The following ST8SIA2 variants were observed in gnomAD, a reference collection of about 807,000 sequenced individuals.
ST8SIA2 encodes ST8 alpha-N-acetyl-neuraminide alpha-2,8-sialyltransferase 2.
In ST8SIA2, 22 loss-of-function variants were observed where a neutral mutation model predicts 37.6. The observed-to-expected ratio is 0.58, with a 90% confidence interval of 0.42 to 0.83. The LOEUF (loss-of-function observed/expected upper bound fraction) is 0.83. Among genes scored for constraint, ST8SIA2 ranks in the 40% least tolerant of loss-of-function variants. ST8SIA2 has a pLI of 0.00. For synonymous variants in ST8SIA2, 205 were observed against 201.2 expected, an observed-to-expected ratio of 1.02 and a Z score of -0.16; for missense variants, 382 against 484.7, an observed-to-expected ratio of 0.79 and a Z score of 1.99.
At chr15:92,463,274 G>C (rs1394959791) in intron 5 of ST8SIA2, among the ~76,000 whole-genome samples, 1 of 152,194 alleles carries the variant, frequency 6.6e-6, no homozygotes, top group Non-Finnish European at 1.5e-5. Flanking sequence ...CAGACGACTT[G>C]AGGCAGGAAG....
chr15:92,445,060 AC>A, intron 5 of ST8SIA2, 131 bp downstream of exon 5: 1 of 1,353,428 alleles, frequency 7.4e-7, no homozygotes, highest in South Asian at 1.2e-5. Context: ...TCAGCAAGTC[AC>A]CTGGCCTTTC....
intron 1 of ST8SIA2, among the ~76,000 whole-genome samples, chr15:92,414,990 C>A (rs187841671): frequency 6.6e-6 from 1 of 152,330 alleles, no homozygotes; most frequent in East Asian, 1.9e-4. Context: ...CCTTTCCTCC[C>A]CAGAGCCCTG....
At chr15:92,401,504 C>T (rs949655127) in intron 1 of ST8SIA2, among the ~76,000 whole-genome samples, 3 of 152,182 alleles carry the variant, frequency 2.0e-5, no homozygotes, top group Non-Finnish European at 2.9e-5. Context: ...AAGGAGGAAA[C>T]GGCTCCAACT....
intron 1 of ST8SIA2, among the ~76,000 whole-genome samples, chr15:92,418,471 A>C (rs1294015217): frequency 6.6e-6 from 1 of 151,558 alleles, no homozygotes; most frequent in Non-Finnish European, 1.5e-5. Flanking sequence ...TCAAAAAAAA[A>C]AAAAAAAAAA....
rs2050002855 is a variant in ST8SIA2 at position 92,467,745 on chromosome 15, C to T, written c.*3360C>T. On this transcript the variant is annotated 3_prime_UTR_variant, in exon 6 of 6. Coordinates refer to ENST00000268164, the MANE Select transcript of ST8SIA2 (RefSeq NM_006011.4). ...ACATGGACATGCCTTACACTGGCGT[C>T]CTCTCCTGAGTCCCTCCGCACTCTC... is the stretch of plus-strand genomic sequence containing the variant. The T allele has an allele frequency of 6.6e-6, 1 of 152,592 alleles. No individual in the cohort carries two copies. Among genetic ancestry groups the T allele is most frequent in the South Asian group, 2.1e-4 (1 of 4,826 alleles). 9.5% of individuals were successfully genotyped at this position (152,592 alleles called of 1,614,324 possible).
intron 5 of ST8SIA2, among the ~76,000 whole-genome samples, chr15:92,453,527 T>C (rs2049898155): frequency 6.6e-6 from 1 of 152,152 alleles, no homozygotes; most frequent in Admixed American, 6.5e-5. Context: ...CATCAGTGGG[T>C]GTGTGGTTGC....
At chr15:92,427,114 T>A (rs1047972368) in intron 1 of ST8SIA2, among the ~76,000 whole-genome samples, 1 of 152,074 alleles carries the variant, frequency 6.6e-6, no homozygotes, top group Non-Finnish European at 1.5e-5. Context: ...AAAGTAAGTG[T>A]ATGAGGTGAT....
At chr15:92,442,232 C>T (rs1402598122) in intron 4 of ST8SIA2, among the ~76,000 whole-genome samples, 1 of 152,206 alleles carries the variant, frequency 6.6e-6, no homozygotes, top group African/African-American at 2.4e-5. Flanking sequence ...ACAGCCCATC[C>T]CTGCCTGCCT....
At chr15:92,452,458 A>C in intron 5 of ST8SIA2, among the ~76,000 whole-genome samples, 1 of 152,206 alleles carries the variant, frequency 6.6e-6, no homozygotes, top group East Asian at 1.9e-4. Context: ...AATCATGCAG[A>C]ATTAGAGAAG....
chr15:92,421,145 CA>C (rs535544128), intron 1 of ST8SIA2: 2 of 152,162 alleles, frequency 1.3e-5, no homozygotes, highest in South Asian at 4.2e-4. Context: ...GCTGGCAATC[CA>C]AAAGTATCTA....
intron 1 of ST8SIA2, among the ~76,000 whole-genome samples, chr15:92,400,689 C>T (rs1019143792): frequency 6.6e-6 from 1 of 152,166 alleles, no homozygotes; most frequent in Middle Eastern, 3.2e-3. Context: ...AAGCCTCTGC[C>T]GGCTGTTGGT....
At chr15:92,420,165 A>G (rs552520622) in intron 1 of ST8SIA2, among the ~76,000 whole-genome samples, 5 of 152,306 alleles carry the variant, frequency 3.3e-5, no homozygotes, top group African/African-American at 1.2e-4. Context: ...GCACCCAGCC[A>G]GAAGTCTGTA....
chr15:92,413,748 C>T (rs970867697), intron 1 of ST8SIA2, among the ~76,000 whole-genome samples: 14 of 152,220 alleles, frequency 9.2e-5, no homozygotes, highest in African/African-American at 2.9e-4. Context: ...TTCTCTCTGC[C>T]TTTGGATTCT....
At chr15:92,456,351 T>A (rs2049919557) in intron 5 of ST8SIA2, among the ~76,000 whole-genome samples, 1 of 151,890 alleles carries the variant, frequency 6.6e-6, no homozygotes, top group African/African-American at 2.4e-5. Context: ...AATGAACCTC[T>A]AGCCTCTGCT....
chr15:92,460,789 A>C (rs1005083454), intron 5 of ST8SIA2, among the ~76,000 whole-genome samples: 1 of 152,224 alleles, frequency 6.6e-6, no homozygotes, highest in African/African-American at 2.4e-5. Flanking sequence ...CTGCTTCATG[A>C]AGGTGAAAGA....
chr15:92,397,495 C>A (rs2049440326), intron 1 of ST8SIA2, among the ~76,000 whole-genome samples: 1 of 152,182 alleles, frequency 6.6e-6, no homozygotes, highest in Non-Finnish European at 1.5e-5. Flanking sequence ...AAGATAAGTT[C>A]TCTGCAAAGC....
intron 5 of ST8SIA2, among the ~76,000 whole-genome samples, chr15:92,445,690 A>T (rs570384535): frequency 6.6e-6 from 1 of 152,360 alleles, no homozygotes; most frequent in Admixed American, 6.5e-5. Context: ...GATGTAACTA[A>T]TTAGGTAAGG....
At chr15:92,420,071 T>C (rs760112087) in intron 1 of ST8SIA2, among the ~76,000 whole-genome samples, 4 of 152,200 alleles carry the variant, frequency 2.6e-5, no homozygotes, top group Non-Finnish European at 4.4e-5. Flanking sequence ...TTCACCATGT[T>C]GGCCAGGATG....
chr15:92,452,935 C>G (rs2049892571), intron 5 of ST8SIA2, among the ~76,000 whole-genome samples: 2 of 152,242 alleles, frequency 1.3e-5, no homozygotes, highest in African/African-American at 4.8e-5. Flanking sequence ...CCCGTAACAG[C>G]TGGGTTAGAT....
Sources: gnomAD v4.1 joint callset for allele counts (sites outside exome capture counted in the v4.1 genomes callset) on GRCh38, gnomAD v4.1.1 for gene constraint, MANE v1.5 for transcripts, NCBI Gene and HGNC (gene_info 2026-07-23, HGNC 2026-07-21) for gene names.